The following MYOCD variants were observed in gnomAD, a reference collection of about 807,000 sequenced individuals.
MYOCD encodes myocardin.
MYOCD carries 32 observed loss-of-function variants against 96.1 expected under a neutral mutation model. The observed-to-expected ratio is 0.33, with a 90% CI of 0.25 to 0.45. MYOCD has a LOEUF of 0.45. Ranked by LOEUF, MYOCD falls within the 20% of genes least tolerant of loss-of-function variation. The probability of loss-of-function intolerance (pLI) is 1.00; values close to 1 mark genes in which losing one functional copy is unlikely to be tolerated. For missense variants in MYOCD, 1,133 were observed against 1,200.6 expected (o/e 0.94, Z 0.83); for synonymous variants, 469 against 469.0 (o/e 1.00, Z 0.00).
At chr17:12,697,493 G>A in intron 1 of MYOCD, among the ~76,000 whole-genome samples, 1 of 149,340 alleles carries the variant, frequency 6.7e-6, no homozygotes, top group Non-Finnish European at 1.5e-5. Context: ...CTCCTGAGTA[G>A]CTGAGACTAC....
intron 1 of MYOCD, among the ~76,000 whole-genome samples, chr17:12,668,775 G>T (rs978535026): frequency 6.6e-6 from 1 of 152,136 alleles, no homozygotes; most frequent in East Asian, 1.9e-4. Flanking sequence ...CCTGAATAAA[G>T]AGGATGACTA....
At chr17:12,681,066 T>C (rs1309232154) in intron 1 of MYOCD, among the ~76,000 whole-genome samples, 2 of 152,206 alleles carry the variant, frequency 1.3e-5, no homozygotes, top group East Asian at 1.9e-4. Flanking sequence ...GAAGGAGCTA[T>C]CTCAAAATCC....
chr17:12,715,119 C>T (rs1597773635), intron 2 of MYOCD, among the ~76,000 whole-genome samples: 1 of 152,108 alleles, frequency 6.6e-6, no homozygotes, highest in Admixed American at 6.5e-5. Flanking sequence ...AGTCATCCCC[C>T]AAGCCTTTTG....
chr17:12,674,612 G>A (rs1480017993), intron 1 of MYOCD, among the ~76,000 whole-genome samples: 1 of 152,166 alleles, frequency 6.6e-6, no homozygotes, highest in Non-Finnish European at 1.5e-5. Flanking sequence ...ATCAGTGGAT[G>A]AGAATTGTGT....
chr17:12,677,127 T>C (rs149649428), intron 1 of MYOCD, among the ~76,000 whole-genome samples: 1,928 of 152,224 alleles, frequency 0.013, 83 homozygotes, highest in East Asian at 0.085. Flanking sequence ...TGGAGGCCAT[T>C]ATCTTTAGCA....
chr17:12,679,473 G>C (rs889729617), intron 1 of MYOCD, among the ~76,000 whole-genome samples: 1 of 152,048 alleles, frequency 6.6e-6, no homozygotes, highest in African/African-American at 2.4e-5. Context: ...CATCATGTTT[G>C]GTTGTTTCAA....
intron 5 of MYOCD, among the ~76,000 whole-genome samples, chr17:12,734,504 CTTTTTTTTTTTT>C (rs3050319): frequency 1.5e-5 from 1 of 65,470 alleles, no homozygotes; most frequent in African/African-American, 6.4e-5. Context: ...ACACATGATC[CTTTTTTTTTTTT>C]TTTTTTTTTT....
intron 1 of MYOCD, among the ~76,000 whole-genome samples, chr17:12,703,535 C>A (rs529254611): frequency 6.6e-6 from 1 of 152,034 alleles, no homozygotes; most frequent in South Asian, 2.1e-4. Context: ...ACGAAATTTC[C>A]ATTCTTTATC....
intron 13 of MYOCD, chr17:12,760,944 T>G: frequency 4.4e-6 from 2 of 450,782 alleles, no homozygotes; most frequent in African/African-American, 3.9e-5. Flanking sequence ...ATTTTAATAG[T>G]TTTCATGTTT....
chr17:12,757,902 A>G (rs2033057787), intron 11 of MYOCD, among the ~76,000 whole-genome samples, 183 bp from the exon 12 acceptor site: 1 of 152,148 alleles, frequency 6.6e-6, no homozygotes, highest in Non-Finnish European at 1.5e-5. Context: ...AGACGCCACC[A>G]CCAATGAACC....
rs1264624991 is a variant in MYOCD, at chr17:12,765,803, A to T, written c.*2159A>T. ...AAGCTCATCTTGGCAATGAATATGG[A>T]TGTGAAAAGACAGAACAGCTTCACC... On this transcript the variant is annotated 3_prime_UTR_variant, in exon 14 of 14. Transcript: ENST00000425538. 6.6e-6 allele frequency: 1 copy of T among 152,240 alleles called. No individual in the cohort carries two copies. The allele number at this position is 152,240 out of a possible 1,614,324, so 9.4% of individuals were successfully genotyped here. A position where few individuals can be genotyped will look rare whatever the true frequency, so the allele number is the denominator to read the frequency against.
At chr17:12,671,489 T>C (rs1012075975) in intron 1 of MYOCD, among the ~76,000 whole-genome samples, 3 of 152,208 alleles carry the variant, frequency 2.0e-5, no homozygotes, top group African/African-American at 7.2e-5. Flanking sequence ...TAGGCAGTAG[T>C]TGTGTCCATG....
intron 1 of MYOCD, among the ~76,000 whole-genome samples, chr17:12,704,738 G>C (rs565411652): frequency 6.6e-6 from 1 of 152,300 alleles, no homozygotes; most frequent in Admixed American, 6.5e-5. Flanking sequence ...CAGCTATTAA[G>C]GGGGTAGAGA....
chr17:12,719,610 T>C (rs559012436), intron 4 of MYOCD, among the ~76,000 whole-genome samples: 21 of 148,986 alleles, frequency 1.4e-4, no homozygotes, highest in Non-Finnish European at 3.0e-4. Flanking sequence ...CCTAGCACTT[T>C]GGGAGGCCGA....
intron 1 of MYOCD, among the ~76,000 whole-genome samples, chr17:12,667,803 G>A (rs1161402864): frequency 1.3e-5 from 2 of 152,176 alleles, no homozygotes; most frequent in Non-Finnish European, 2.9e-5. Context: ...GAGTCCTGGT[G>A]TCTCCTAAGT....
intron 2 of MYOCD, chr17:12,706,020 A>G (rs1567580369): frequency 6.6e-6 from 1 of 152,210 alleles, no homozygotes; most frequent in African/African-American, 2.4e-5. Flanking sequence ...AGCCCTATAT[A>G]GTGTAGTTAG....
chr17:12,714,323 G>GCACACACACACACACA (rs4054959), intron 2 of MYOCD, among the ~76,000 whole-genome samples: 3,995 of 136,018 alleles, frequency 0.029, 77 homozygotes, highest in East Asian at 0.073. Context: ...TGAGGCACGT[G>GCACACACACACACACA]CACACACACA....
chr17:12,723,172 C>T (rs1284006234), intron 5 of MYOCD, among the ~76,000 whole-genome samples, 164 bp downstream of exon 5: 1 of 152,148 alleles, frequency 6.6e-6, no homozygotes, highest in Non-Finnish European at 1.5e-5. Context: ...GGATCCTGGG[C>T]ATTTGTTGCA....
At chr17:12,744,086 T>C in intron 7 of MYOCD, 97 bp from the exon 8 acceptor site, 1 of 1,398,718 alleles carries the variant, frequency 7.1e-7, no homozygotes, top group Non-Finnish European at 9.8e-7. Context: ...GATCCAAGAA[T>C]GGCCATCAGA....
Sources: gnomAD v4.1 joint callset for allele counts (sites outside exome capture counted in the v4.1 genomes callset) on GRCh38, gnomAD v4.1.1 for gene constraint, MANE v1.5 for transcripts, NCBI Gene and HGNC (gene_info 2026-07-23, HGNC 2026-07-21) for gene names.